Variants in PLXNA2 observed in about 807,000 individuals in gnomAD.
The protein encoded by PLXNA2 is plexin A2.
PLXNA2 carries 91 observed loss-of-function variants against 193.5 expected under a neutral mutation model. The observed-to-expected ratio is 0.47, with a 90% CI of 0.40 to 0.56. PLXNA2 has a LOEUF of 0.56. PLXNA2 is among the 20% of genes least tolerant of loss of function. The pLI is 0.00. For missense variants in PLXNA2, 1,995 were observed against 2,503.2 expected, an observed-to-expected ratio of 0.80 and a Z score of 4.33; for synonymous variants, 997 against 1,027.3, an observed-to-expected ratio of 0.97 and a Z score of 0.56.
intron 1 of PLXNA2, among the ~76,000 whole-genome samples, chr1:208,238,564 T>A (rs1445467475): frequency 6.6e-6 from 1 of 152,110 alleles, no homozygotes; most frequent in Non-Finnish European, 1.5e-5. Context: ...GCAGTTATTA[T>A]CTCCTTAGAT....
chr1:208,193,357 G>A (rs1490201621), intron 3 of PLXNA2, among the ~76,000 whole-genome samples: 1 of 152,198 alleles, frequency 6.6e-6, no homozygotes, highest in African/African-American at 2.4e-5. Flanking sequence ...CTCGTGTAAT[G>A]CTACTTAGCT....
chr1:208,077,317 C>A (rs1272825766), intron 12 of PLXNA2, among the ~76,000 whole-genome samples: 3 of 152,206 alleles, frequency 2.0e-5, no homozygotes, highest in African/African-American at 4.8e-5. Flanking sequence ...AGCATAATTA[C>A]CTCGGGGGGT....
rs183847827 is a variant in PLXNA2, at chr1:208,192,444, C to T, written c.1371+17836G>A. Among the ~76,000 whole-genome samples, 3 of 150,500 alleles carry T rather than the reference C, an allele frequency of 2.0e-5. No individual in the cohort carries two copies. In the East Asian group the frequency reaches 6.5e-4, roughly 33 times the overall value. On this transcript the variant is annotated intron_variant, in intron 3 of 31. Transcript: ENST00000367033. Reference sequence around the variant, plus strand: ...AAAATGTCATCATCTGCCATTTGAACCTTTTTTTTTAAACAACAAAAAAAC... The same window carrying T: ...AAAATGTCATCATCTGCCATTTGAATCTTTTTTTTTAAACAACAAAAAAAC...
At chr1:208,136,010 C>A (rs571086495) in intron 4 of PLXNA2, among the ~76,000 whole-genome samples, 1 of 152,254 alleles carries the variant, frequency 6.6e-6, no homozygotes, top group African/African-American at 2.4e-5. Flanking sequence ...TCTTGGGGGC[C>A]GCCTGCTGTC....
At chr1:208,065,118 G>A (rs992581079) in intron 12 of PLXNA2, among the ~76,000 whole-genome samples, 3 of 152,158 alleles carry the variant, frequency 2.0e-5, no homozygotes, top group Non-Finnish European at 4.4e-5. Context: ...GGAGGGGAGA[G>A]CTTGTCTCCC....
At chr1:208,060,445 A>G (rs184569960) in intron 13 of PLXNA2, among the ~76,000 whole-genome samples, 3 of 152,188 alleles carry the variant, frequency 2.0e-5, no homozygotes, top group Non-Finnish European at 4.4e-5. Flanking sequence ...TGAATGAGGG[A>G]CGGTCAGGGC....
chr1:208,178,178 T>C (rs961254327), intron 3 of PLXNA2, among the ~76,000 whole-genome samples: 1 of 151,944 alleles, frequency 6.6e-6, no homozygotes, highest in Non-Finnish European at 1.5e-5. Flanking sequence ...CATGGCACTG[T>C]TTTTGTGGAA....
At chr1:208,030,357 CG>C (rs1558153670) in intron 29 of PLXNA2, 1 of 985,534 alleles carries the variant, frequency 1.0e-6, no homozygotes, top group African/African-American at 1.7e-5. Context: ...CACAGAGATG[CG>C]GATAACCCTG....
chr1:208,157,125 G>T (rs934056644), intron 3 of PLXNA2, among the ~76,000 whole-genome samples: 1 of 152,194 alleles, frequency 6.6e-6, no homozygotes, highest in African/African-American at 2.4e-5. Context: ...GAAATGTCCT[G>T]AAAAGTAGGG....
chr1:208,165,973 T>A (rs1305836323), intron 3 of PLXNA2, among the ~76,000 whole-genome samples: 1 of 152,188 alleles, frequency 6.6e-6, no homozygotes, highest in East Asian at 1.9e-4. Flanking sequence ...GAGGGCTCTT[T>A]CTTCCATACC....
At chr1:208,063,293 G>A (rs1665675566) in intron 12 of PLXNA2, among the ~76,000 whole-genome samples, 1 of 152,234 alleles carries the variant, frequency 6.6e-6, no homozygotes, top group Admixed American at 6.5e-5. Flanking sequence ...GTTCCACGGG[G>A]TAGCTTCCTC....
intron 1 of PLXNA2, among the ~76,000 whole-genome samples, chr1:208,232,337 A>G (rs916386546): frequency 1.3e-5 from 2 of 152,192 alleles, no homozygotes; most frequent in Admixed American, 6.5e-5. Flanking sequence ...CCAGCCCAAG[A>G]GTGCAGAAGG....
At chr1:208,113,591 C>T (rs1667555944) in intron 4 of PLXNA2, among the ~76,000 whole-genome samples, 1 of 142,268 alleles carries the variant, frequency 7.0e-6, no homozygotes, top group Non-Finnish European at 1.5e-5. Context: ...GCTCTGTTGC[C>T]CAGCCTGGAG....
At chr1:208,164,592 T>A (rs1669236475) in intron 3 of PLXNA2, among the ~76,000 whole-genome samples, 1 of 152,226 alleles carries the variant, frequency 6.6e-6, no homozygotes, top group African/African-American at 2.4e-5. Context: ...AGAAGTGGAA[T>A]AATTTGGCTC....
chr1:208,219,069 C>T (rs1165946242), intron 1 of PLXNA2, among the ~76,000 whole-genome samples: 3 of 152,190 alleles, frequency 2.0e-5, no homozygotes, highest in African/African-American at 7.2e-5. Context: ...AAATCACCAG[C>T]GGGCCTCAGT....
intron 26 of PLXNA2, among the ~76,000 whole-genome samples, chr1:208,036,185 T>C (rs1281456718): frequency 6.6e-6 from 1 of 152,178 alleles, no homozygotes; most frequent in Non-Finnish European, 1.5e-5. Context: ...TTTCAGGAAT[T>C]CTCCTTACAA....
intron 3 of PLXNA2, among the ~76,000 whole-genome samples, chr1:208,157,712 G>A (rs959114927): frequency 2.6e-5 from 4 of 152,192 alleles, no homozygotes; most frequent in African/African-American, 9.7e-5. Context: ...TCAAGTTCTG[G>A]GTATTTGAGA....
At chr1:208,121,077 C>A (rs578224605) in intron 4 of PLXNA2, among the ~76,000 whole-genome samples, 1 of 152,248 alleles carries the variant, frequency 6.6e-6, no homozygotes, top group East Asian at 1.9e-4. Flanking sequence ...AAAAGTAAAA[C>A]AAATCTAATC....
chr1:208,107,131 C>T (rs1667294395), intron 4 of PLXNA2, among the ~76,000 whole-genome samples: 1 of 152,202 alleles, frequency 6.6e-6, no homozygotes. Flanking sequence ...CAATGGCCCT[C>T]AGTGTATGGT....
Sources: gnomAD v4.1 joint callset for allele counts (sites outside exome capture counted in the v4.1 genomes callset) on GRCh38, gnomAD v4.1.1 for gene constraint, MANE v1.5 for transcripts, NCBI Gene and HGNC (gene_info 2026-07-23, HGNC 2026-07-21) for gene names.